Variants in CPNE8 observed in about 807,000 individuals in gnomAD.
The protein encoded by CPNE8 is copine-8.
A neutral mutation model predicts 81.5 loss-of-function variants in CPNE8; 45 were observed. The ratio of observed to expected loss-of-function variants is 0.55; its 90% CI spans 0.44 to 0.71. CPNE8 has a LOEUF of 0.71. Ranked by LOEUF, CPNE8 falls within the 30% of genes least tolerant of loss-of-function variation. CPNE8 has a pLI of 0.00. For synonymous variants in CPNE8, 252 were observed against 226.3 expected (o/e 1.11, Z -1.02); for missense variants, 594 against 672.1 (o/e 0.88, Z 1.28).
chr12:38,666,798 A>C (rs1208958754), intron 19 of CPNE8, among the ~76,000 whole-genome samples: 2 of 152,168 alleles, frequency 1.3e-5, no homozygotes, highest in Non-Finnish European at 2.9e-5. Context: ...GAATCTTAGA[A>C]TCAGACATTT....
At chr12:38,660,269 A>G (rs1008173210) in intron 19 of CPNE8, among the ~76,000 whole-genome samples, 6 of 152,194 alleles carry the variant, frequency 3.9e-5, no homozygotes, top group African/African-American at 1.2e-4. Context: ...AAACACAGAT[A>G]TGGACCAATG....
chr12:38,793,592 C>T (rs1942380444), intron 6 of CPNE8, among the ~76,000 whole-genome samples: 1 of 151,800 alleles, frequency 6.6e-6, no homozygotes, highest in Non-Finnish European at 1.5e-5. Context: ...GTTAAGACAT[C>T]TCATGTTCAT....
intron 4 of CPNE8, among the ~76,000 whole-genome samples, chr12:38,842,808 C>T (rs891406037): frequency 1.3e-5 from 2 of 152,006 alleles, no homozygotes; most frequent in African/African-American, 4.8e-5. Flanking sequence ...GAACTACTAA[C>T]CTCAAGTAAT....
chr12:38,813,755 GA>G (rs1194200391), intron 6 of CPNE8, among the ~76,000 whole-genome samples: 1 of 152,166 alleles, frequency 6.6e-6, no homozygotes, highest in Non-Finnish European at 1.5e-5. Flanking sequence ...TTTTCACCCA[GA>G]ATTCTGCATA....
intron 16 of CPNE8, among the ~76,000 whole-genome samples, chr12:38,681,819 T>G (rs1337718631): frequency 6.6e-6 from 1 of 152,344 alleles, no homozygotes; most frequent in East Asian, 1.9e-4. Context: ...TCCATGTCTA[T>G]ATGTCTCCTG....
At chr12:38,805,673 A>AC (rs1942781495) in intron 6 of CPNE8, among the ~76,000 whole-genome samples, 3 of 35,766 alleles carry the variant, frequency 8.4e-5, no homozygotes, top group African/African-American at 1.3e-4. Context: ...AAAAAAAAAA[A>AC]CATTAAAAAA....
chr12:38,724,039 A>G (rs1940636430), intron 12 of CPNE8, among the ~76,000 whole-genome samples: 1 of 152,188 alleles, frequency 6.6e-6, no homozygotes, highest in Admixed American at 6.5e-5. Context: ...ATGTCTTTCT[A>G]TGACCAGTTT....
At chr12:38,748,037 G>C (rs1592058305) in intron 10 of CPNE8, among the ~76,000 whole-genome samples, 1 of 151,960 alleles carries the variant, frequency 6.6e-6, no homozygotes, top group Non-Finnish European at 1.5e-5. Flanking sequence ...ATTTGAGACA[G>C]TCTCACTCTG....
At chr12:38,812,429 C>A (rs1942953166) in intron 6 of CPNE8, among the ~76,000 whole-genome samples, 1 of 152,168 alleles carries the variant, frequency 6.6e-6, no homozygotes, top group Non-Finnish European at 1.5e-5. Flanking sequence ...GAAGCAAACA[C>A]ATCCTTCTTC....
At chr12:38,679,361 G>C (rs1305445625) in intron 16 of CPNE8, among the ~76,000 whole-genome samples, 1 of 151,848 alleles carries the variant, frequency 6.6e-6, no homozygotes, top group Non-Finnish European at 1.5e-5. Context: ...GAGAGTTATA[G>C]ATACAGCCTA....
chr12:38,894,563 G>A (rs571471416), intron 1 of CPNE8, among the ~76,000 whole-genome samples: 11 of 151,846 alleles, frequency 7.2e-5, no homozygotes, highest in South Asian at 2.1e-4. Context: ...ATCTAAAATC[G>A]TAGGTAATTG....
intron 8 of CPNE8, among the ~76,000 whole-genome samples, chr12:38,765,816 T>G (rs1179038421): frequency 6.6e-6 from 1 of 152,152 alleles, no homozygotes; most frequent in Non-Finnish European, 1.5e-5. Flanking sequence ...ATTAGTTGTA[T>G]TTTTCTTAAT....
intron 19 of CPNE8, among the ~76,000 whole-genome samples, chr12:38,670,270 CT>C (rs1225631132): frequency 6.6e-6 from 1 of 152,024 alleles, no homozygotes; most frequent in African/African-American, 2.4e-5. Context: ...TACTTCACAG[CT>C]TTTTTTCTGA....
At chr12:38,877,981 C>T (rs1944092072) in intron 1 of CPNE8, among the ~76,000 whole-genome samples, 1 of 152,176 alleles carries the variant, frequency 6.6e-6, no homozygotes, top group Non-Finnish European at 1.5e-5. Context: ...GGCCAAAACT[C>T]ACCAAAACCA....
intron 3 of CPNE8, 44 bp from the exon 4 acceptor site, chr12:38,848,706 T>C: frequency 6.5e-7 from 1 of 1,539,134 alleles, no homozygotes; most frequent in Non-Finnish European, 8.7e-7. Context: ...CTTGTACGGC[T>C]ACTTATTACA....
intron 13 of CPNE8, among the ~76,000 whole-genome samples, chr12:38,719,771 G>A (rs826852): frequency 0.96 from 145,525 of 152,120 alleles, 69,774 homozygotes; most frequent in East Asian, 1. Flanking sequence ...ATTATATTGT[G>A]GTGAATAATA....
chr12:38,675,716 C>T lies in CPNE8; in HGVS notation c.1432+1G>A. On this transcript the variant is annotated splice_donor_variant, in intron 18 of 19. Coordinates refer to ENST00000331366, the MANE Select transcript of CPNE8 (RefSeq NM_153634.3). LOFTEE classifies it high-confidence loss of function. ...AATATTATTGAAATTTTACTACTCA[C>T]CATCAAATTCTGCTGGTCCAACACC... The T allele has an allele frequency of 6.3e-7, 1 of 1,586,716 alleles. No individual in the cohort carries two copies. Among genetic ancestry groups the T allele is most frequent in the Non-Finnish European group, 8.7e-7 (1 of 1,155,592 alleles).
intron 10 of CPNE8, among the ~76,000 whole-genome samples, chr12:38,754,551 TTAATA>T (rs1941420194): frequency 6.6e-6 from 1 of 151,942 alleles, no homozygotes; most frequent in Non-Finnish European, 1.5e-5. Flanking sequence ...CATAAATTAA[TTAATA>T]TAATTTCTAT....
At chr12:38,821,850 C>T (rs12424244) in intron 6 of CPNE8, among the ~76,000 whole-genome samples, 1 of 152,096 alleles carries the variant, frequency 6.6e-6, no homozygotes. Flanking sequence ...AAAATGAATG[C>T]AAGAAAGTGG....
Sources: allele counts gnomAD v4.1 joint callset (sites outside exome capture counted in the v4.1 genomes callset), GRCh38; gene constraint gnomAD v4.1.1; transcripts MANE v1.5; gene names NCBI Gene and HGNC (gene_info 2026-07-23, HGNC 2026-07-21).